The following TMEM108 variants were observed in gnomAD, a reference collection of about 807,000 sequenced individuals.
TMEM108 encodes transmembrane protein 108.
Under a neutral mutation model 35.1 loss-of-function variants are expected in TMEM108, and 12 were observed. The ratio of observed to expected loss-of-function variants is 0.34; its 90% CI spans 0.22 to 0.55. The LOEUF is 0.55. Ranked by LOEUF, TMEM108 falls within the 20% of genes least tolerant of loss-of-function variation. TMEM108 has a pLI of 0.89. For synonymous variants in TMEM108, 287 were observed against 308.6 expected (o/e 0.93, Z 0.73); for missense variants, 680 against 753.3 (o/e 0.90, Z 1.14).
At chr3:133,113,587 C>A (rs1210692183) in intron 2 of TMEM108, among the ~76,000 whole-genome samples, 1 of 152,148 alleles carries the variant, frequency 6.6e-6, no homozygotes, top group African/African-American at 2.4e-5. Context: ...TCCAGCCCCA[C>A]AAGACAAGTA....
intron 2 of TMEM108, among the ~76,000 whole-genome samples, chr3:133,177,934 C>G (rs1945262821): frequency 6.6e-6 from 1 of 152,186 alleles, no homozygotes; most frequent in Admixed American, 6.5e-5. Flanking sequence ...AGCCCAAAAT[C>G]TCCTCAAGCT....
intron 2 of TMEM108, among the ~76,000 whole-genome samples, chr3:133,154,643 T>C (rs1243595342): frequency 1.3e-5 from 2 of 151,468 alleles, no homozygotes; most frequent in Non-Finnish European, 2.9e-5. Context: ...TTCTCACTCA[T>C]AGGTGGGAAT....
Position 133,326,219 on chromosome 3 carries a change from C to A in TMEM108, c.41-53533C>A, listed in dbSNP as rs182709167. On this transcript the variant is annotated intron_variant, in intron 3 of 5. Transcript: ENST00000321871. ...TAGATTGGGGGCAAGCCTGGGCACA[C>A]ACCCCAGTCTAATGGTCAAAACACA... Among the ~76,000 whole-genome samples, 1,093 of 152,290 alleles carry A rather than the reference C, an allele frequency of 7.2e-3. 16 individuals are homozygous for A. The highest frequency in any genetic ancestry group is 0.025 in the African/African-American group (1,044 of 41,556).
intron 2 of TMEM108, among the ~76,000 whole-genome samples, chr3:133,100,905 GTGTA>G (rs749208087): frequency 2.6e-5 from 4 of 152,136 alleles, no homozygotes; most frequent in Admixed American, 1.3e-4. Flanking sequence ...GCTTTATTTT[GTGTA>G]TGTATCTAGA....
rs114968953 is a variant in TMEM108, at chr3:133,332,450, C to T, written c.41-47302C>T. ...TGAAAGCTAGTTAATGCCCACTAAA[C>T]AGGGAAAGCTGGGAGAGTTGTAATA... On this transcript the variant is annotated intron_variant, in intron 3 of 5. Transcript: ENST00000321871. Among the ~76,000 whole-genome samples, 1,471 of 152,300 alleles carry T rather than the reference C, an allele frequency of 9.7e-3. 25 individuals carry two copies. Among genetic ancestry groups the T allele is most frequent in the South Asian group, 0.038 (184 of 4,826 alleles).
intron 4 of TMEM108, among the ~76,000 whole-genome samples, chr3:133,386,254 A>G (rs927063348): frequency 6.6e-6 from 1 of 152,226 alleles, no homozygotes; most frequent in African/African-American, 2.4e-5. Flanking sequence ...GCCATGGAGA[A>G]GGTACTCAAT....
intron 2 of TMEM108, among the ~76,000 whole-genome samples, chr3:133,048,341 T>G (rs1943363834): frequency 6.6e-6 from 1 of 152,222 alleles, no homozygotes; most frequent in African/African-American, 2.4e-5. Context: ...TTCTAGAAAC[T>G]TTTACATTTC....
At chr3:133,043,675 G>T (rs1022017779) in intron 1 of TMEM108, among the ~76,000 whole-genome samples, 2 of 151,812 alleles carry the variant, frequency 1.3e-5, no homozygotes, top group Non-Finnish European at 2.9e-5. Flanking sequence ...TCATGACTTG[G>T]AGTTTTTGAC....
At chr3:133,106,462 G>A (rs1033935998) in intron 2 of TMEM108, among the ~76,000 whole-genome samples, 3 of 152,104 alleles carry the variant, frequency 2.0e-5, no homozygotes, top group Non-Finnish European at 2.9e-5. Context: ...AGACAGTGAG[G>A]TGGGCTAGTG....
chr3:133,226,662 G>A (rs1045510429), intron 2 of TMEM108, among the ~76,000 whole-genome samples: 4 of 152,100 alleles, frequency 2.6e-5, no homozygotes, highest in Admixed American at 2.0e-4. Flanking sequence ...AATTCCCTTG[G>A]CTGAGAGGAG....
intron 2 of TMEM108, among the ~76,000 whole-genome samples, chr3:133,093,834 G>A (rs1333621403): frequency 6.6e-6 from 1 of 152,172 alleles, no homozygotes; most frequent in Non-Finnish European, 1.5e-5. Context: ...CTAGCTATAA[G>A]TAGAGATGGT....
intron 2 of TMEM108, among the ~76,000 whole-genome samples, chr3:133,109,609 T>G (rs899080594): frequency 9.2e-5 from 14 of 152,220 alleles, no homozygotes; most frequent in African/African-American, 3.4e-4. Context: ...TAGACACAAA[T>G]ACCCATTCAT....
intron 2 of TMEM108, among the ~76,000 whole-genome samples, chr3:133,149,913 C>A (rs1336392415): frequency 6.6e-6 from 1 of 152,002 alleles, no homozygotes; most frequent in African/African-American, 2.4e-5. Flanking sequence ...AGGTTGTTTT[C>A]ATATCTTGGC....
At chr3:133,099,235 C>T (rs539802206) in intron 2 of TMEM108, among the ~76,000 whole-genome samples, 62 of 152,328 alleles carry the variant, frequency 4.1e-4, no homozygotes, top group African/African-American at 1.4e-3. Context: ...CTGAGTTCTG[C>T]GTTGGCTCCT....
At chr3:133,275,280 A>G (rs1946823973) in intron 3 of TMEM108, among the ~76,000 whole-genome samples, 1 of 152,198 alleles carries the variant, frequency 6.6e-6, no homozygotes, top group Non-Finnish European at 1.5e-5. Flanking sequence ...CACATATGTA[A>G]TTCTTAATTT....
At chr3:133,191,660 A>C (rs895198671) in intron 2 of TMEM108, among the ~76,000 whole-genome samples, 1 of 152,146 alleles carries the variant, frequency 6.6e-6, no homozygotes, top group Non-Finnish European at 1.5e-5. Context: ...CTGGCCATTA[A>C]AGTCTCCTTC....
chr3:133,344,861 G>GA (rs150517049), intron 3 of TMEM108, among the ~76,000 whole-genome samples: 2 of 151,668 alleles, frequency 1.3e-5, no homozygotes, highest in Non-Finnish European at 1.5e-5. Flanking sequence ...AATCTCCTAG[G>GA]AAAAAAATCA....
At chr3:133,299,757 AAC>A (rs1000277215) in intron 3 of TMEM108, among the ~76,000 whole-genome samples, 6 of 152,006 alleles carry the variant, frequency 3.9e-5, no homozygotes, top group African/African-American at 1.5e-4. Context: ...TCTTCAACCC[AAC>A]ACACACACAC....
At chr3:133,168,904 G>A (rs905899149) in intron 2 of TMEM108, among the ~76,000 whole-genome samples, 4 of 151,868 alleles carry the variant, frequency 2.6e-5, no homozygotes, top group African/African-American at 7.3e-5. Context: ...TGGATGCGCC[G>A]CCTTTATGAG....
Sources: gnomAD v4.1 joint callset for allele counts (sites outside exome capture counted in the v4.1 genomes callset) on GRCh38, gnomAD v4.1.1 for gene constraint, MANE v1.5 for transcripts, NCBI Gene and HGNC (gene_info 2026-07-23, HGNC 2026-07-21) for gene names.